SCN3A: variants seen among roughly 807,000 people sequenced by gnomAD.
The protein encoded by SCN3A is sodium voltage-gated channel alpha subunit 3, also known as sodium channel protein type 3 subunit alpha.
In SCN3A, 60 loss-of-function variants were observed where a neutral mutation model predicts 187.6. The ratio of observed to expected loss-of-function variants is 0.32; its 90% CI spans 0.26 to 0.40. SCN3A has a LOEUF of 0.40. SCN3A is among the 10% of genes least tolerant of loss of function. The pLI is 1.00. For synonymous variants in SCN3A, 788 were observed against 829.2 expected, an observed-to-expected ratio of 0.95 and a Z score of 0.85; for missense variants, 1,601 against 2,428.2, an observed-to-expected ratio of 0.66 and a Z score of 7.16.
chr2:165,133,161 G>A (rs1260915486), intron 15 of SCN3A, among the ~76,000 whole-genome samples: 1 of 152,120 alleles, frequency 6.6e-6, no homozygotes, highest in African/African-American at 2.4e-5. Context: ...TGGAGAAATA[G>A]GAACACTTTT....
chr2:165,181,120 C>T (rs1039202993), intron 2 of SCN3A, among the ~76,000 whole-genome samples: 33 of 152,122 alleles, frequency 2.2e-4, no homozygotes, highest in Admixed American at 9.2e-4. Flanking sequence ...CTTCATGTCA[C>T]TTAAGAGAAT....
chr2:165,158,601 T>G (rs1419955743), intron 9 of SCN3A, among the ~76,000 whole-genome samples: 1 of 137,772 alleles, frequency 7.3e-6, no homozygotes, highest in Non-Finnish European at 1.5e-5. Flanking sequence ...CACTATTTTC[T>G]TATCATCTCT....
At chr2:165,193,815 G>T (rs1271107813) in intron 1 of SCN3A, among the ~76,000 whole-genome samples, 1 of 152,128 alleles carries the variant, frequency 6.6e-6, no homozygotes, top group South Asian at 2.1e-4. Flanking sequence ...ACAGAGGATT[G>T]GGATTTGTCT....
chr2:165,197,078 G>T (rs1692010994), intron 1 of SCN3A, among the ~76,000 whole-genome samples: 1 of 152,062 alleles, frequency 6.6e-6, no homozygotes, highest in South Asian at 2.1e-4. Context: ...ATATCATTGG[G>T]ATAATAAATT....
At chr2:165,141,383 A>C (rs1688006638) in intron 12 of SCN3A, among the ~76,000 whole-genome samples, 1 of 152,172 alleles carries the variant, frequency 6.6e-6, no homozygotes, top group Admixed American at 6.5e-5. Context: ...TTAATGCTAT[A>C]ATCTGAAGGG....
intron 1 of SCN3A, among the ~76,000 whole-genome samples, chr2:165,189,647 A>G (rs1691468363): frequency 6.6e-6 from 1 of 152,164 alleles, no homozygotes; most frequent in Admixed American, 6.5e-5. Context: ...ATTAATGCTT[A>G]TGCTAATATC....
At position 165,154,588 on chromosome 2, in the gene SCN3A, A is replaced by T. The variant is rs1375108628; in HGVS notation, c.1244T>A (p.Leu415Ter). 6.2e-7 allele frequency: 1 copy of T among 1,614,012 alleles called. No individual in the cohort carries two copies. The highest frequency in any genetic ancestry group is 1.3e-5 in the African/African-American group (1 of 74,900). Residue 415 changes from leucine (L) to a stop codon, truncating the protein, a stop_gained, in exon 11 of 28, where the codon TTG becomes TAG. Coordinates refer to ENST00000283254, the MANE Select transcript of SCN3A (RefSeq NM_006922.4). LOFTEE classifies it high-confidence loss of function. ...CACCACAGCCAGGATCAAATTCACC[A>T]AATAAAATGAGCCCAAGAAAATGAC... Reference protein sequence around the residue: ...VLVIFLGSFYLVNLILAVVAM... With the variant: ...VLVIFLGSFY
chr2:165,131,387 C>T lies in SCN3A; in HGVS notation c.2422G>A (p.Val808Ile), dbSNP rs1319677043. The T allele has an allele frequency of 6.2e-6, 10 of 1,604,186 alleles. No individual in the cohort carries two copies. The highest frequency in any genetic ancestry group is 8.5e-6 in the Non-Finnish European group (10 of 1,174,122). The change falls in exon 16 of 28, where the codon GTT becomes ATT. Residue 808 changes from valine to isoleucine, a missense_variant. Around this residue, in one of 11 missense-constraint regions of SCN3A, gnomAD observed 376 missense variants for 476.0 expected, o/e 0.79. Transcript: ENST00000283254. ...VFTGIFTAEM[V>I]LKIIAMDPYY... ...GGATCCATGGCAATGATCTTGAGAACCATTTCTGCTGTGAAAATCCCAGTA... is the reference window on the plus strand; with the variant it reads ...GGATCCATGGCAATGATCTTGAGAATCATTTCTGCTGTGAAAATCCCAGTA...
chr2:165,169,807 A>G (rs11900700), intron 4 of SCN3A, among the ~76,000 whole-genome samples: 34,071 of 151,796 alleles, frequency 0.22, 5,029 homozygotes, highest in East Asian at 0.52. Context: ...AAATCCAAAC[A>G]TATTCTGCCC....
chr2:165,187,139 G>C (rs1427731065), intron 1 of SCN3A, among the ~76,000 whole-genome samples: 1 of 152,134 alleles, frequency 6.6e-6, no homozygotes, highest in Non-Finnish European at 1.5e-5. Context: ...GACCAAAGAG[G>C]TAGACTAGTG....
At chr2:165,139,979 A>G (rs1208789229) in intron 13 of SCN3A, among the ~76,000 whole-genome samples, 1 of 152,078 alleles carries the variant, frequency 6.6e-6, no homozygotes, top group Non-Finnish European at 1.5e-5. Flanking sequence ...AATCAGATCA[A>G]TCTCCCCCCA....
At chr2:165,111,794 T>C (rs1486095635) in intron 21 of SCN3A, among the ~76,000 whole-genome samples, 3 of 152,210 alleles carry the variant, frequency 2.0e-5, no homozygotes, top group Non-Finnish European at 4.4e-5. Context: ...TTCAGAGTTA[T>C]GTTGAAATTC....
chr2:165,108,348 G>C (rs1164965968), intron 21 of SCN3A, among the ~76,000 whole-genome samples: 1 of 151,906 alleles, frequency 6.6e-6, no homozygotes, highest in African/African-American at 2.4e-5. Flanking sequence ...TACATATTAG[G>C]ATCAGAAAGT....
intron 1 of SCN3A, among the ~76,000 whole-genome samples, chr2:165,190,754 A>G (rs1691549473): frequency 6.6e-6 from 1 of 151,360 alleles, no homozygotes; most frequent in Non-Finnish European, 1.5e-5. Flanking sequence ...CAAGGACTAT[A>G]CTTAATTTTA....
intron 13 of SCN3A, 55 bp from the exon 14 acceptor site, chr2:165,139,663 C>A: frequency 1.9e-6 from 3 of 1,605,522 alleles, no homozygotes; most frequent in Non-Finnish European, 2.6e-6. Context: ...TAATACAACA[C>A]CACATAGCAT....
At chr2:165,126,464 CTCTT>C (rs558510644) in intron 18 of SCN3A, among the ~76,000 whole-genome samples, 29 of 145,630 alleles carry the variant, frequency 2.0e-4, no homozygotes, top group South Asian at 8.8e-4. Context: ...TCTTTTCTTT[CTCTT>C]TCTTTATTTC....
chr2:165,193,606 C>T (rs1574347933), intron 1 of SCN3A, among the ~76,000 whole-genome samples: 1 of 152,038 alleles, frequency 6.6e-6, no homozygotes, highest in Admixed American at 6.6e-5. Context: ...TCTTTCCAGG[C>T]AAACACAGAC....
At chr2:165,130,407 A>C (rs1687241196) in intron 16 of SCN3A, 111 bp from the exon 17 acceptor site, 5 of 1,099,392 alleles carry the variant, frequency 4.5e-6, no homozygotes, top group Non-Finnish European at 5.4e-6. Context: ...AAAAACTCAA[A>C]ATATACTGAA....
chr2:165,128,014 G>T lies in SCN3A; in HGVS notation c.3010C>A (p.Leu1004Met). The T allele has an allele frequency of 1.2e-6, 2 of 1,613,818 alleles. No individual in the cohort carries two copies. The stretch of plus-strand genomic sequence containing the variant: ...TGCATTCTTCCTACTGCAATCTGCA[G>T]ATTATTCATTTCATTGTCATCATCA... ...ATDDDNEMNN[L>M]QIAVGRMQKG... The change falls in exon 18 of 28, where the codon CTG becomes ATG. Residue 1004 changes from leucine (L) to methionine (M), a missense_variant. Leu to Met is a conservative substitution (Grantham distance 15). This residue lies in a region of SCN3A where 267 missense variants were observed against 313.2 expected (regional missense o/e 0.85). Transcript: ENST00000283254.
Sources: gnomAD v4.1 joint callset for allele counts (sites outside exome capture counted in the v4.1 genomes callset) on GRCh38, gnomAD v4.1.1 for gene constraint, gnomAD v4.1.1 regional missense constraint, MANE v1.5 for transcripts, NCBI Gene and HGNC (gene_info 2026-07-23, HGNC 2026-07-21) for gene names.